The following GRIN2D variants were observed in gnomAD, a reference collection of about 807,000 sequenced individuals.
The protein encoded by GRIN2D is glutamate ionotropic receptor NMDA type subunit 2D, also known as glutamate receptor ionotropic, NMDA 2D.
GRIN2D carries 37 observed loss-of-function variants against 103.2 expected under a neutral mutation model. The ratio of observed to expected loss-of-function variants is 0.36; its 90% CI spans 0.28 to 0.47. GRIN2D has a LOEUF of 0.47. Among genes scored for constraint, GRIN2D ranks in the 20% least tolerant of loss-of-function variants. GRIN2D has a pLI of 1.00. For synonymous variants in GRIN2D, 845 were observed against 885.6 expected, an observed-to-expected ratio of 0.95 and a Z score of 0.81; for missense variants, 1,557 against 1,910.6, an observed-to-expected ratio of 0.81 and a Z score of 3.45.
chr19:48,443,690 G>A lies in GRIN2D; in HGVS notation c.3764G>A (p.Arg1255His). ...GCGCCCCACCACCACAGGCACCGGC[G>A]CGCCGCTGGGGGCTGGGACCTCCCG... Reference protein sequence around the residue: ...AAAPHHHRHRRAAGGWDLPPP... With the variant: ...AAAPHHHRHRHAAGGWDLPPP... Residue 1255 changes from arginine to histidine, a missense_variant, in exon 14 of 14, where the codon CGC (arginine) becomes CAC (histidine). By Grantham distance (29) the Arg-to-His change is conservative. Transcript: ENST00000263269. The surrounding 1 kb of genome is among the most constrained non-coding windows in gnomAD (Gnocchi z 8.9). 8.1e-7 allele frequency: 1 copy of A among 1,231,870 alleles called. No homozygotes were observed. The highest frequency in any genetic ancestry group is 1.0e-6 in the Non-Finnish European group (1 of 990,718). 76.3% of individuals were successfully genotyped at this position (1,231,870 alleles called of 1,614,324 possible). A position where few individuals can be genotyped will look rare whatever the true frequency, so the allele number is the denominator to read the frequency against.
rs771121296 is a variant in GRIN2D at position 48,414,897 on chromosome 19, C to T, written c.1446C>T (p.Arg482=). The change falls in exon 7 of 14, where the codon CGC becomes CGT. Residue 482 remains arginine (R), a synonymous_variant. Transcript: ENST00000263269. This position sits in a 1 kb window ranked among gnomAD's most constrained non-coding sequence, Gnocchi z 4.6. ...PPPDAPRPEK[R]CCKGFCIDIL... ...CGGATGCCCCCCGCCCGGAAAAGCG[C>T]TGCTGCAAGGGTTTCTGCATCGACA... The T allele has an allele frequency of 6.8e-6, 11 of 1,614,036 alleles. No homozygotes were observed. The South Asian group carries it at 9.9e-5, about 14-fold the overall frequency.
chr19:48,438,408 C>T (rs1312454166), intron 11 of GRIN2D, among the ~76,000 whole-genome samples: 2 of 147,620 alleles, frequency 1.4e-5, no homozygotes, highest in Admixed American at 1.4e-4. Context: ...AAACGATTCT[C>T]TTGCCTCAGC....
chr19:48,441,633 G>A (rs576420978), intron 11 of GRIN2D, 136 bp from the exon 12 acceptor site: 143 of 636,502 alleles, frequency 2.2e-4, no homozygotes, highest in Non-Finnish European at 3.7e-4. Context: ...GCACTGAGAA[G>A]TGCAATGATT....
intron 3 of GRIN2D, among the ~76,000 whole-genome samples, chr19:48,403,189 A>T (rs907075381): frequency 1.4e-5 from 2 of 137,942 alleles, no homozygotes; most frequent in Non-Finnish European, 3.1e-5. Context: ...ACAGAGGAAG[A>T]CTCTGTCTCA....
chr19:48,396,376 C>T (rs1017139737), intron 2 of GRIN2D, among the ~76,000 whole-genome samples: 14 of 151,608 alleles, frequency 9.2e-5, no homozygotes, highest in African/African-American at 2.7e-4. Flanking sequence ...CCGGGGGCTG[C>T]CCTCCTGGGC....
chr19:48,405,766 C>T lies in GRIN2D; in HGVS notation c.1085+413C>T, dbSNP rs531010825. On this transcript the variant is annotated intron_variant, in intron 4 of 13. Transcript: ENST00000263269. This position sits in a 1 kb window ranked among gnomAD's most constrained non-coding sequence, Gnocchi z 5.1. ...TCAGTAGCAAAAAAGACCCAACAAT[C>T]CAGTGGCCCAGATGAGGTCGAAGTT... Among the ~76,000 whole-genome samples the T allele has an allele frequency of 1.2e-4, 18 of 152,282 alleles. No homozygotes were observed. The South Asian group carries it at 3.7e-3, about 32-fold the overall frequency.
chr19:48,430,557 T>C (rs1971143527), intron 11 of GRIN2D, among the ~76,000 whole-genome samples: 1 of 152,146 alleles, frequency 6.6e-6, no homozygotes, highest in Non-Finnish European at 1.5e-5. Flanking sequence ...TCAAGGGATC[T>C]GCCCACCTCA....
In GRIN2D at chr19:48,441,880, C is replaced by T. The variant is rs1569074281; in HGVS notation, c.2364C>T (p.Gly788=). The change falls in exon 12 of 14, where the codon GGC becomes GGT. Residue 788 remains glycine (G), a synonymous_variant. Coordinates refer to ENST00000263269, the MANE Select transcript of GRIN2D (RefSeq NM_000836.4). The part of the protein sequence containing the change: ...IGSGKVFATT[G]YGIALHKGSR... Reference sequence around the variant, plus strand: ...CCGGCAAGGTCTTCGCCACGACAGGCTATGGCATCGCCCTGCACAAGGGCT... The same window carrying T: ...CCGGCAAGGTCTTCGCCACGACAGGTTATGGCATCGCCCTGCACAAGGGCT... 1 of 1,613,564 alleles carries T rather than the reference C, an allele frequency of 6.2e-7. No homozygotes were observed. The highest frequency in any genetic ancestry group is 2.2e-5 in the East Asian group (1 of 44,896).
intron 11 of GRIN2D, among the ~76,000 whole-genome samples, chr19:48,433,478 A>G (rs976182783): frequency 2.6e-5 from 4 of 152,382 alleles, no homozygotes; most frequent in African/African-American, 7.2e-5. Context: ...CCATCTTTAC[A>G]GTGAGGCACA....
At position 48,443,779 on chromosome 19, in the gene GRIN2D, C is replaced by T. The variant is rs1281711096; in HGVS notation, c.3853C>T (p.Arg1285Cys). The change falls in exon 14 of 14, where the codon CGC becomes TGC. Residue 1285 changes from arginine (R) to cysteine (C), a missense_variant. Around this residue, in one of 7 missense-constraint regions of GRIN2D, gnomAD observed 88 missense variants for 84.3 expected, o/e 1.04. Transcript: ENST00000263269. The surrounding 1 kb of genome is among the most constrained non-coding windows in gnomAD (Gnocchi z 8.9). ...CTCGTGCCCTCGCGCCGCCCCTGCG[C>T]GCAGGCTTACCGGGCCCTCCCGCCA... ...LSSCPRAAPA[R>C]RLTGPSRHAR... The T allele has an allele frequency of 6.9e-7, 1 of 1,447,718 alleles. No homozygotes were observed. The highest frequency in any genetic ancestry group is 2.7e-5 in the Admixed American group (1 of 36,544). The allele number at this position is 1,447,718 out of a possible 1,614,324, so 89.7% of individuals were successfully genotyped here. A position where few individuals can be genotyped will look rare whatever the true frequency, so the allele number is the denominator to read the frequency against.
chr19:48,426,954 G>A (rs1278983574), intron 11 of GRIN2D, among the ~76,000 whole-genome samples: 1 of 152,014 alleles, frequency 6.6e-6, no homozygotes, highest in Non-Finnish European at 1.5e-5. Context: ...CCTTTTCCTT[G>A]GTTGTATTCC....
chr19:48,402,326 G>T (rs1050582031), intron 3 of GRIN2D, among the ~76,000 whole-genome samples: 2 of 152,050 alleles, frequency 1.3e-5, no homozygotes, highest in Non-Finnish European at 2.9e-5. Context: ...AATGTGTGAG[G>T]GAAAGAAAGG....
At position 48,443,446 on chromosome 19, in the gene GRIN2D, G is replaced by T; in HGVS notation, c.3520G>T (p.Gly1174Cys). The T allele has an allele frequency of 7.2e-7, 1 of 1,382,744 alleles. No homozygotes were observed. The highest frequency in any genetic ancestry group is 1.6e-5 in the South Asian group (1 of 63,366). The allele number at this position is 1,382,744 out of a possible 1,614,324, so 85.7% of individuals were successfully genotyped here. A position where few individuals can be genotyped will look rare whatever the true frequency, so the allele number is the denominator to read the frequency against. ...GSWDYLPPRS[G>C]PAAWHCRHCA... is the part of the protein sequence containing the mutation. ...CTGGGACTACCTGCCCCCGCGCAGC[G>T]GTCCGGCCGCCTGGCACTGTCGGCA... The change falls in exon 14 of 14, where the codon GGT (glycine) becomes TGT (cysteine). Residue 1174 changes from glycine (G) to cysteine (C), a missense_variant. Transcript: ENST00000263269. This position sits in a 1 kb window ranked among gnomAD's most constrained non-coding sequence, Gnocchi z 8.9.
chr19:48,431,760 T>C (rs1383415419), intron 11 of GRIN2D, among the ~76,000 whole-genome samples: 1 of 151,940 alleles, frequency 6.6e-6, no homozygotes, highest in Non-Finnish European at 1.5e-5. Context: ...AATTTCTTTG[T>C]ATTTAGTAGA....
chr19:48,402,056 C>T (rs771793119), intron 3 of GRIN2D, among the ~76,000 whole-genome samples: 8 of 150,412 alleles, frequency 5.3e-5, no homozygotes, highest in Non-Finnish European at 1.0e-4. Flanking sequence ...GGCGAGATCT[C>T]GCCACTGCAT....
chr19:48,441,471 G>A (rs191983050), intron 11 of GRIN2D, among the ~76,000 whole-genome samples: 86 of 152,262 alleles, frequency 5.6e-4, no homozygotes, highest in African/African-American at 2.0e-3. Flanking sequence ...CCTGCTACTG[G>A]GGAGGCTGAG....
At chr19:48,409,367 C>T (rs1970828660) in intron 4 of GRIN2D, among the ~76,000 whole-genome samples, 2 of 150,452 alleles carry the variant, frequency 1.3e-5, no homozygotes, top group African/African-American at 4.9e-5. Context: ...CAACCTCCAC[C>T]TCCTGGATTC....
intron 11 of GRIN2D, among the ~76,000 whole-genome samples, chr19:48,435,797 AC>A (rs753945914): frequency 2.2e-4 from 34 of 152,194 alleles, no homozygotes; most frequent in Non-Finnish European, 3.7e-4. Context: ...ACTGTTCTAG[AC>A]CCTGTGGATA....
chr19:48,403,932 G>A (rs1011769111), intron 3 of GRIN2D, among the ~76,000 whole-genome samples: 2 of 152,132 alleles, frequency 1.3e-5, no homozygotes, highest in South Asian at 2.1e-4. Context: ...CCAACAGGAG[G>A]TTGTTTCTCA....
Sources: allele counts gnomAD v4.1 joint callset (sites outside exome capture counted in the v4.1 genomes callset), GRCh38; gene constraint gnomAD v4.1.1; regional missense constraint gnomAD v4.1.1; non-coding constraint Gnocchi (gnomAD v3.1); transcripts MANE v1.5; gene names NCBI Gene and HGNC (gene_info 2026-07-23, HGNC 2026-07-21).